RNF180: variants seen among roughly 807,000 people sequenced by gnomAD.
RNF180 encodes the protein ring finger protein 180.
RNF180 carries 38 observed loss-of-function variants against 59.2 expected under a neutral mutation model. That is an observed-to-expected ratio of 0.64 (90% CI 0.50 to 0.84). The LOEUF (loss-of-function observed/expected upper bound fraction) is 0.84, where lower values mean the gene tolerates loss of function less well. RNF180 is among the 40% of genes least tolerant of loss of function. The pLI is 0.00. For synonymous variants in RNF180, 262 were observed against 240.3 expected (o/e 1.09, Z -0.84); for missense variants, 705 against 700.9 (o/e 1.01, Z -0.07).
chr5:64,203,152 A>G (rs1183598783), intron 2 of RNF180, among the ~76,000 whole-genome samples: 1 of 152,216 alleles, frequency 6.6e-6, no homozygotes, highest in Admixed American at 6.5e-5. Context: ...AGTGATACAG[A>G]GTTGAAAAAA....
chr5:64,345,661 C>T (rs1336864833), intron 7 of RNF180, among the ~76,000 whole-genome samples: 1 of 152,126 alleles, frequency 6.6e-6, no homozygotes, highest in Non-Finnish European at 1.5e-5. Context: ...CACTTCCAAT[C>T]AACCACACTC....
At position 64,349,262 on chromosome 5, in the gene RNF180, G is replaced by T. The variant is rs1008550670; in HGVS notation, c.1579+18856G>T. On this transcript the variant is annotated intron_variant, in intron 7 of 7. Transcript: ENST00000389100. ...ACAAATAGACATAAACATTAATGAG[G>T]GTTGCTTATTCTTTTAATGCCAAAG... Among the ~76,000 whole-genome samples the T allele has an allele frequency of 2.0e-5, 3 of 151,874 alleles. No homozygotes were observed. The East Asian group carries it at 5.8e-4, about 29-fold the overall frequency.
intron 5 of RNF180, among the ~76,000 whole-genome samples, chr5:64,238,370 G>A (rs151079637): frequency 3.9e-3 from 594 of 152,254 alleles, no homozygotes; most frequent in Non-Finnish European, 6.3e-3. Context: ...TGGGATCACT[G>A]GATCATATGG....
intron 7 of RNF180, among the ~76,000 whole-genome samples, chr5:64,360,586 G>T (rs1353009795): frequency 3.3e-5 from 5 of 151,570 alleles, no homozygotes; most frequent in African/African-American, 1.2e-4. Flanking sequence ...GGAAATAAAG[G>T]GTATTCAATT....
At chr5:64,349,995 T>G (rs763137221) in intron 7 of RNF180, among the ~76,000 whole-genome samples, 30 of 152,184 alleles carry the variant, frequency 2.0e-4, no homozygotes, top group Non-Finnish European at 2.5e-4. Context: ...CACCACATTG[T>G]CTTCCACAAT....
intron 7 of RNF180, among the ~76,000 whole-genome samples, chr5:64,352,591 G>T (rs1458409428): frequency 1.3e-5 from 2 of 151,822 alleles, no homozygotes; most frequent in Non-Finnish European, 2.9e-5. Context: ...CAGAGATTCT[G>T]GTATGTTGTG....
At chr5:64,258,282 A>T (rs547452273) in intron 5 of RNF180, among the ~76,000 whole-genome samples, 30 of 152,298 alleles carry the variant, frequency 2.0e-4, no homozygotes, top group African/African-American at 6.3e-4. Flanking sequence ...AAGGAAATTT[A>T]AAAAAAGATT....
intron 5 of RNF180, among the ~76,000 whole-genome samples, chr5:64,242,728 C>T (rs79314599): frequency 5.9e-5 from 9 of 152,240 alleles, no homozygotes; most frequent in East Asian, 5.8e-4. Context: ...ACAAAGATCT[C>T]GAATCAGATT....
intron 5 of RNF180, among the ~76,000 whole-genome samples, chr5:64,276,934 C>T (rs754243496): frequency 3.3e-5 from 5 of 152,030 alleles, no homozygotes; most frequent in Non-Finnish European, 7.4e-5. Context: ...CCATTTAACA[C>T]TCACAATCTT....
At position 64,251,140 on chromosome 5, in the gene RNF180, A is replaced by G. The variant is rs529941843; in HGVS notation, c.1227+33744A>G. 1.2e-4 allele frequency among the ~76,000 whole-genome samples: 18 copies of G among 152,304 alleles called. No homozygotes were observed. In the South Asian group the frequency reaches 1.7e-3, roughly 14 times the overall value. On this transcript the variant is annotated intron_variant, in intron 5 of 7. Coordinates refer to ENST00000389100, the MANE Select transcript of RNF180 (RefSeq NM_001113561.2). ...TTGATATAGAAAAAGCATTTGAGAAAATTCAACATTTTATGATAATAGCTC... is the reference window on the plus strand; with the variant it reads ...TTGATATAGAAAAAGCATTTGAGAAGATTCAACATTTTATGATAATAGCTC...
chr5:64,323,168 G>A (rs1230073156), intron 5 of RNF180, among the ~76,000 whole-genome samples: 1 of 152,102 alleles, frequency 6.6e-6, no homozygotes, highest in Non-Finnish European at 1.5e-5. Flanking sequence ...AGAATATAAT[G>A]TCTTGTTCAG....
intron 5 of RNF180, among the ~76,000 whole-genome samples, chr5:64,297,542 T>A (rs1391432866): frequency 1.3e-5 from 2 of 152,116 alleles, no homozygotes; most frequent in African/African-American, 4.8e-5. Context: ...ATTGCAGTTT[T>A]GTTGCATACA....
intron 7 of RNF180, among the ~76,000 whole-genome samples, chr5:64,368,153 T>C (rs1346241214): frequency 1.3e-5 from 2 of 151,722 alleles, no homozygotes; most frequent in Admixed American, 1.3e-4. Context: ...ATCCCCATGC[T>C]TTGAACTCTA....
intron 5 of RNF180, among the ~76,000 whole-genome samples, chr5:64,290,707 T>C (rs975945917): frequency 6.6e-6 from 1 of 152,202 alleles, no homozygotes; most frequent in African/African-American, 2.4e-5. Context: ...CCCTGCCTTT[T>C]TCAGTTTTCC....
rs1240744864 is a variant in RNF180, at chr5:64,200,059, C to T, written c.1-749C>T. Among the ~76,000 whole-genome samples the T allele has an allele frequency of 2.0e-5, 3 of 152,104 alleles. No individual in the cohort carries two copies. In the East Asian group the frequency reaches 5.8e-4, roughly 29 times the overall value. On this transcript the variant is annotated intron_variant, in intron 1 of 7. Transcript: ENST00000389100. ...CACAGAATTAACAACTCAGTAAATC[C>T]TATTTTTAAAATTTAATGGTATGAC...
intron 5 of RNF180, among the ~76,000 whole-genome samples, chr5:64,304,302 T>C (rs1743322429): frequency 6.6e-6 from 1 of 151,626 alleles, no homozygotes; most frequent in Non-Finnish European, 1.5e-5. Context: ...TAAAGTCTTA[T>C]ATTTTAAGAA....
intron 5 of RNF180, among the ~76,000 whole-genome samples, chr5:64,309,997 C>T (rs1252768109): frequency 6.6e-6 from 1 of 151,598 alleles, no homozygotes; most frequent in Non-Finnish European, 1.5e-5. Context: ...TAAGATCCTG[C>T]CAGATTTGTT....
chr5:64,297,304 T>TA (rs1742932042), intron 5 of RNF180, among the ~76,000 whole-genome samples: 1 of 152,150 alleles, frequency 6.6e-6, no homozygotes, highest in Non-Finnish European at 1.5e-5. Context: ...CCTGGTTTCT[T>TA]ACATTTTTCA....
chr5:64,275,836 A>T (rs1301017257), intron 5 of RNF180, among the ~76,000 whole-genome samples: 1 of 151,992 alleles, frequency 6.6e-6, no homozygotes, highest in East Asian at 1.9e-4. Flanking sequence ...ACTCAGTACT[A>T]AATCAGTGAC....
Sources: gnomAD v4.1 joint callset for allele counts (sites outside exome capture counted in the v4.1 genomes callset) on GRCh38, gnomAD v4.1.1 for gene constraint, MANE v1.5 for transcripts, NCBI Gene and HGNC (gene_info 2026-07-23, HGNC 2026-07-21) for gene names.